Variants in BRCA1 observed in about 807,000 individuals in gnomAD.
BRCA1 encodes BRCA1 DNA repair associated, also known as breast cancer type 1 susceptibility protein.
BRCA1 carries 140 observed loss-of-function variants against 173.7 expected under a neutral mutation model. That is an observed-to-expected ratio of 0.81 (90% CI 0.70 to 0.93). BRCA1 has a LOEUF of 0.93. Among genes scored for constraint, BRCA1 ranks in the 40% least tolerant of loss-of-function variants. The pLI, the probability that BRCA1 is intolerant of heterozygous loss-of-function variation, is 0.00. For missense variants in BRCA1, 1,983 were observed against 2,172.5 expected (o/e 0.91, Z 1.73); for synonymous variants, 662 against 756.0 (o/e 0.88, Z 2.04).
chr17:43,104,550 A>T (rs1454099967), intron 5 of BRCA1, among the ~76,000 whole-genome samples: 1 of 152,214 alleles, frequency 6.6e-6, no homozygotes, highest in Non-Finnish European at 1.5e-5. Flanking sequence ...AAGCTAAGAC[A>T]CCAACAATGT....
intron 18 of BRCA1, among the ~76,000 whole-genome samples, chr17:43,059,469 C>CAACAACAACA (rs2051652178): frequency 6.8e-6 from 1 of 147,440 alleles, no homozygotes; most frequent in African/African-American, 2.5e-5. Context: ...GAGATGCTGT[C>CAACAACAACA]ACAACAACAA....
In BRCA1 at chr17:43,091,484, C is replaced by G. The variant is rs758515222; in HGVS notation, c.4047G>C (p.Thr1349=). The G allele has an allele frequency of 1.2e-6, 2 of 1,613,412 alleles. No individual in the cohort carries two copies. The highest frequency in any genetic ancestry group is 2.2e-5 in the South Asian group (2 of 91,046). ...CTTCTTGATTATTTTCTTCCAAGCC[C>G]GTTCCTCTTTCTTCATCATCTGAAA... ...ELVSDDEERG[T]GLEENNQEEQ... Residue 1349 remains threonine, a synonymous_variant, in exon 10 of 23, where the codon ACG becomes ACC. Transcript: ENST00000357654.
chr17:43,159,327 C>G (rs1466304139), intron 1 of BRCA1: 2 of 162,828 alleles, frequency 1.2e-5, no homozygotes, highest in Admixed American at 1.3e-4. Flanking sequence ...GCTGACCCCC[C>G]CACCTCCCTC....
In BRCA1 at chr17:43,097,280, G is replaced by T. The variant is rs55688530; in HGVS notation, c.557C>A (p.Ser186Tyr). The change falls in exon 8 of 23, where the codon TCT becomes TAT. Residue 186 changes from serine (S) to tyrosine (Y), a missense_variant. By Grantham distance (144) the Ser-to-Tyr change is moderately radical. Coordinates refer to ENST00000357654, the MANE Select transcript of BRCA1 (RefSeq NM_007294.4). The part of the protein sequence containing the change: ...TSVYIELGSD[S>Y]SEDTVNKATY... ...TGCCTTATTAACGGTATCTTCAGAA[G>T]AATCAGATCCTAAAAAATTTCCCCC... 4.9e-4 allele frequency: 790 copies of T among 1,613,484 alleles called. 5 individuals are homozygous for T. In the African/African-American group the frequency reaches 9.1e-3, roughly 19 times the overall value.
At chr17:43,119,831 T>C (rs2154569484) in intron 2 of BRCA1, among the ~76,000 whole-genome samples, 1 of 152,318 alleles carries the variant, frequency 6.6e-6, no homozygotes, top group African/African-American at 2.4e-5. Context: ...TATATTTCAG[T>C]ATGGTAATTA....
chr17:43,137,433 T>TAAA (rs112877653), intron 1 of BRCA1, among the ~76,000 whole-genome samples: 58 of 140,974 alleles, frequency 4.1e-4, no homozygotes, highest in African/African-American at 1.4e-3. Flanking sequence ...TAATAATAAT[T>TAAA]AAAAAAAAAA....
chr17:43,077,180 A>C lies in BRCA1; in HGVS notation c.4358-566T>G, dbSNP rs1399363367. ...TTTCAATTACCGAAAAAAAAGAAAA[A>C]AACAAATAAACCCCCTAAACCAACA... On this transcript the variant is annotated intron_variant, in intron 12 of 22. Coordinates refer to ENST00000357654, the MANE Select transcript of BRCA1 (RefSeq NM_007294.4). 3.3e-5 allele frequency among the ~76,000 whole-genome samples: 5 copies of C among 152,190 alleles called. No individual in the cohort carries two copies. In the South Asian group the frequency reaches 1.0e-3, roughly 31 times the overall value.
intron 8 of BRCA1, among the ~76,000 whole-genome samples, chr17:43,096,815 C>T (rs1239653330): frequency 6.6e-6 from 1 of 152,152 alleles, no homozygotes; most frequent in East Asian, 1.9e-4. Flanking sequence ...TAGAAGCAAG[C>T]ATGTGCAGAG....
At chr17:43,098,246 G>C (rs1455018662) in intron 7 of BRCA1, among the ~76,000 whole-genome samples, 1 of 151,938 alleles carries the variant, frequency 6.6e-6, no homozygotes, top group Non-Finnish European at 1.5e-5. Flanking sequence ...GCCCAGGCTG[G>C]TCTCAAACTC....
chr17:43,092,170 T>G lies in BRCA1; in HGVS notation c.3361A>C (p.Asn1121His), dbSNP rs876660526. 1 of 1,613,390 alleles carries G rather than the reference T, an allele frequency of 6.2e-7. No homozygotes were observed. Among genetic ancestry groups the G allele is most frequent in the Non-Finnish European group, 8.5e-7 (1 of 1,179,898 alleles). ...ATCAGATATGGAGAGAAATCTGTAT[T>G]AACAGTCTGAACTACTTCTTCATAT... ...QEYEEVVQTV[N>H]TDFSPYLISD... The change falls in exon 10 of 23, where the codon AAT (asparagine) becomes CAT (histidine). Residue 1121 changes from asparagine (N) to histidine (H), a missense_variant. Asn to His is a moderately conservative substitution (Grantham distance 68). Coordinates refer to ENST00000357654, the MANE Select transcript of BRCA1 (RefSeq NM_007294.4).
intron 2 of BRCA1, among the ~76,000 whole-genome samples, chr17:43,122,199 T>G (rs1287635015): frequency 1.3e-5 from 2 of 152,226 alleles, no homozygotes; most frequent in African/African-American, 2.4e-5. Flanking sequence ...AAAACAACTT[T>G]CATAAAGCAG....
rs1175124403 is a variant in BRCA1, at chr17:43,044,441, A to G, written c.*1237T>C. 5.9e-6 allele frequency: 3 copies of G among 508,712 alleles called. No individual in the cohort carries two copies. Among genetic ancestry groups the G allele is most frequent in the Non-Finnish European group, 1.2e-5 (3 of 259,910 alleles). 31.5% of individuals were successfully genotyped at this position (508,712 alleles called of 1,614,324 possible). On this transcript the variant is annotated 3_prime_UTR_variant, in exon 23 of 23. Coordinates refer to ENST00000357654, the MANE Select transcript of BRCA1 (RefSeq NM_007294.4). Reference sequence around the variant, plus strand: ...TTCCAACAGCTATAAACAGTCCTGGATAATGGGTTTATGAAAAACACTTTT... The same window carrying G: ...TTCCAACAGCTATAAACAGTCCTGGGTAATGGGTTTATGAAAAACACTTTT...
intron 18 of BRCA1, 80 bp downstream of exon 18, chr17:43,063,253 T>C (rs1355860720): frequency 1.7e-6 from 2 of 1,203,358 alleles, no homozygotes; most frequent in African/African-American, 3.0e-5. Context: ...AAGTGGTGCA[T>C]TGATGGAAGG....
intron 1 of BRCA1, among the ~76,000 whole-genome samples, chr17:43,158,016 T>C (rs963030383): frequency 5.3e-5 from 8 of 150,994 alleles, no homozygotes; most frequent in African/African-American, 1.7e-4. Flanking sequence ...AAAAAAAATA[T>C]TAATCTAACA....
rs2051849852 is a variant in BRCA1 at position 43,063,315 on chromosome 17, G to C, written c.5193+18C>G. 1.3e-6 allele frequency: 2 copies of C among 1,589,392 alleles called. No homozygotes were observed. On this transcript the variant is annotated intron_variant, in intron 18 of 22. Transcript: ENST00000357654. Reference sequence around the variant, plus strand: ...CTGAATGAATATCTCTGGTTAGTTTGTAACATCAAGTACTTACCTCATTCA... The same window carrying C: ...CTGAATGAATATCTCTGGTTAGTTTCTAACATCAAGTACTTACCTCATTCA...
At position 43,044,804 on chromosome 17, in the gene BRCA1, CTTTTT is replaced by C. The variant is rs59541324; in HGVS notation, c.*869_*873del. 3.1e-3 allele frequency: 1,158 copies of C among 376,204 alleles called. 1 individual carries two copies. Among genetic ancestry groups the C allele is most frequent in the Middle Eastern group, 0.018 (20 of 1,128 alleles). The allele number at this position is 376,204 out of a possible 1,614,324, so 23.3% of individuals were successfully genotyped here. A position where few individuals can be genotyped will look rare whatever the true frequency, so the allele number is the denominator to read the frequency against. On this transcript the variant is annotated 3_prime_UTR_variant, in exon 23 of 23. Coordinates refer to ENST00000357654, the MANE Select transcript of BRCA1 (RefSeq NM_007294.4). ...AGAAATCTCTTCTAGTTTCATTTTCCTTTTTTTTTTTTTTTTTTTGAGCCACAGTC... is the reference window on the plus strand; with the variant it reads ...AGAAATCTCTTCTAGTTTCATTTTCCTTTTTTTTTTTTTTGAGCCACAGTC...
intron 2 of BRCA1, among the ~76,000 whole-genome samples, chr17:43,116,881 T>G (rs1381479586): frequency 6.6e-6 from 1 of 152,224 alleles, no homozygotes; most frequent in Non-Finnish European, 1.5e-5. Context: ...ATTTTTAAAA[T>G]TAGGTCATTT....
In BRCA1 at chr17:43,091,762, CTG is replaced by C. The variant is rs730881440; in HGVS notation, c.3767_3768del (p.Thr1256ArgfsTer10). ...TTCTTCAATGATAATAAATTCTCCT[CTG>C]TGTTCTTAGACAGACACTCGGTAGC... ...TVATECLSKN[T>X]EENLLSLKNS... On this transcript the variant is annotated frameshift_variant, in exon 10 of 23. Transcript: ENST00000357654. LOFTEE classifies it high-confidence loss of function. 3 of 1,614,222 alleles carry C rather than the reference CTG, an allele frequency of 1.9e-6. No homozygotes were observed. Among genetic ancestry groups the C allele is most frequent in the Non-Finnish European group, 2.5e-6 (3 of 1,180,046 alleles).
chr17:43,131,785 G>T (rs1308492759), intron 1 of BRCA1, among the ~76,000 whole-genome samples: 5 of 150,562 alleles, frequency 3.3e-5, no homozygotes, highest in Non-Finnish European at 5.9e-5. Flanking sequence ...TCTTTGCTTT[G>T]CTTTTCTTTT....
Sources: gnomAD v4.1 joint callset for allele counts (sites outside exome capture counted in the v4.1 genomes callset) on GRCh38, gnomAD v4.1.1 for gene constraint, MANE v1.5 for transcripts, NCBI Gene and HGNC (gene_info 2026-07-23, HGNC 2026-07-21) for gene names.